The following LINGO2 variants were observed in gnomAD, a reference collection of about 807,000 sequenced individuals.
LINGO2 encodes leucine rich repeat and Ig domain containing 2, also known as leucine-rich repeat and immunoglobulin-like domain-containing nogo receptor-interacting protein 2.
In LINGO2, 14 loss-of-function variants were observed where a neutral mutation model predicts 30.6. That is an observed-to-expected ratio of 0.46 (90% CI 0.30 to 0.72). The LOEUF is 0.72. Ranked by LOEUF, LINGO2 falls within the 30% of genes least tolerant of loss-of-function variation. The pLI is 0.07. For missense variants in LINGO2, 729 were observed against 751.7 expected (o/e 0.97, Z 0.35); for synonymous variants, 317 against 288.5 (o/e 1.10, Z -1.00).
the LINGO2 span, among the ~76,000 whole-genome samples, chr9:28,741,337 T>TTGGGGTTGGTCTAAAATC: frequency 6.6e-6 from 1 of 151,908 alleles, no homozygotes; most frequent in Non-Finnish European, 1.5e-5. Flanking sequence ...CTGACCTTGC[T>TTGGGGTTGGTCTAAAATC]TGGGGTTGGT....
At chr9:27,963,472 G>C (rs145936863) in intron 5 of LINGO2, among the ~76,000 whole-genome samples, 111 of 152,206 alleles carry the variant, frequency 7.3e-4, no homozygotes, top group African/African-American at 2.6e-3. Flanking sequence ...AAGAGATCAT[G>C]GTTGTTGTAT....
Position 28,234,481 on chromosome 9 carries a change from T to G in LINGO2, c.-87+60727A>C, listed in dbSNP as rs1417418474. ...ACAGTGTTGCCAAAGGAGATTAACA[T>G]TTGAGTCAGTGGACTGGGAGAGGCA... On this transcript the variant is annotated intron_variant, in intron 4 of 5. Coordinates refer to ENST00000379992, the Ensembl canonical transcript of LINGO2. Among the ~76,000 whole-genome samples, 3 of 152,176 alleles carry G rather than the reference T, an allele frequency of 2.0e-5. No homozygotes were observed. In the South Asian group the frequency reaches 6.2e-4, roughly 32 times the overall value.
intron 5 of LINGO2, among the ~76,000 whole-genome samples, chr9:27,961,368 A>G (rs113017261): frequency 1.3e-5 from 2 of 152,334 alleles, no homozygotes; most frequent in Admixed American, 6.5e-5. Context: ...CTGCAACAGC[A>G]TATTTCCATT....
the LINGO2 span, among the ~76,000 whole-genome samples, chr9:29,055,940 G>GTATATATATATATGTGTA: frequency 2.5e-5 from 3 of 119,976 alleles, no homozygotes; most frequent in African/African-American, 9.6e-5. Context: ...ATGTGTGTGT[G>GTATATATATATATGTGTA]TATATATACA....
chr9:28,128,093 G>GC (rs1827289971), intron 4 of LINGO2, among the ~76,000 whole-genome samples: 1 of 152,178 alleles, frequency 6.6e-6, no homozygotes, highest in South Asian at 2.1e-4. Flanking sequence ...TAAAAGTCAG[G>GC]CTTGCTTAAT....
intron 1 of LINGO2, among the ~76,000 whole-genome samples, chr9:28,509,736 C>T (rs1820294157): frequency 6.6e-6 from 1 of 152,174 alleles, no homozygotes; most frequent in East Asian, 1.9e-4. Flanking sequence ...CACCAGGAAG[C>T]AACCTGATGG....
chr9:28,699,122 AAC>A, the LINGO2 span, among the ~76,000 whole-genome samples: 1 of 152,050 alleles, frequency 6.6e-6, no homozygotes, highest in Non-Finnish European at 1.5e-5. Flanking sequence ...AACACACTTT[AAC>A]ACATCATTAT....
the LINGO2 span, among the ~76,000 whole-genome samples, chr9:29,022,843 C>T: frequency 6.6e-6 from 1 of 152,062 alleles, no homozygotes; most frequent in Non-Finnish European, 1.5e-5. Context: ...TTCGTACATT[C>T]CCTTCTCTTG....
chr9:28,534,712 C>G (rs961320842), intron 1 of LINGO2, among the ~76,000 whole-genome samples: 1 of 152,060 alleles, frequency 6.6e-6, no homozygotes, highest in Admixed American at 6.6e-5. Context: ...AATTATTCTA[C>G]TGAATTAAAT....
the LINGO2 span, among the ~76,000 whole-genome samples, chr9:29,045,573 C>G: frequency 2.0e-5 from 3 of 148,684 alleles, no homozygotes; most frequent in Non-Finnish European, 3.0e-5. Flanking sequence ...ATCCAACATC[C>G]CTTCATGATT....
the LINGO2 span, among the ~76,000 whole-genome samples, chr9:28,803,232 G>T: frequency 0.8 from 120,735 of 151,714 alleles, 48,028 homozygotes; most frequent in East Asian, 0.89. Flanking sequence ...ACAAACAGAA[G>T]TTTTAAAAAA....
chr9:28,626,803 T>C (rs926030615), intron 1 of LINGO2, among the ~76,000 whole-genome samples: 11 of 150,500 alleles, frequency 7.3e-5, no homozygotes, highest in Non-Finnish European at 1.5e-4. Context: ...TAGTAAATGT[T>C]TTTTTCAGCT....
chr9:28,922,833 T>C, the LINGO2 span, among the ~76,000 whole-genome samples: 1 of 152,194 alleles, frequency 6.6e-6, no homozygotes, highest in Admixed American at 6.5e-5. Context: ...AAGCTGCGAA[T>C]GTTATATGTC....
chr9:28,848,929 A>T, the LINGO2 span, among the ~76,000 whole-genome samples: 1 of 152,004 alleles, frequency 6.6e-6, no homozygotes, highest in Non-Finnish European at 1.5e-5. Context: ...GTATTAGCAC[A>T]GGGGTCCTTT....
At chr9:28,728,878 G>A in the LINGO2 span, among the ~76,000 whole-genome samples, 8 of 152,066 alleles carry the variant, frequency 5.3e-5, no homozygotes, top group South Asian at 2.1e-4. Context: ...GGACCTGGAC[G>A]CTGAGAAACC....
At chr9:29,025,060 G>A in the LINGO2 span, among the ~76,000 whole-genome samples, 4 of 152,060 alleles carry the variant, frequency 2.6e-5, no homozygotes, top group Admixed American at 6.6e-5. Context: ...CCCATTCACA[G>A]TATCTGCACT....
At chr9:28,303,698 A>G (rs547792074) in intron 3 of LINGO2, among the ~76,000 whole-genome samples, 1 of 152,240 alleles carries the variant, frequency 6.6e-6, no homozygotes, top group East Asian at 1.9e-4. Context: ...ATGAGGAAGA[A>G]AAAGGTATTT....
chr9:28,323,514 C>T (rs1825121019), intron 3 of LINGO2, among the ~76,000 whole-genome samples: 2 of 152,128 alleles, frequency 1.3e-5, no homozygotes, highest in African/African-American at 4.8e-5. Flanking sequence ...GCAGGAGAAT[C>T]ACTTGAACCT....
the LINGO2 span, among the ~76,000 whole-genome samples, chr9:28,995,272 C>G: frequency 3.3e-5 from 5 of 152,280 alleles, no homozygotes; most frequent in Admixed American, 2.0e-4. Flanking sequence ...TGAAAAAATG[C>G]TCACCATCAC....
Sources: allele counts gnomAD v4.1 joint callset (sites outside exome capture counted in the v4.1 genomes callset), GRCh38; gene constraint gnomAD v4.1.1; transcripts MANE v1.5; gene names NCBI Gene and HGNC (gene_info 2026-07-23, HGNC 2026-07-21).